The following ABCA3 variants were observed in gnomAD, a reference collection of about 807,000 sequenced individuals.
ABCA3 encodes the protein ATP binding cassette subfamily A member 3, also known as phospholipid-transporting ATPase ABCA3.
A neutral mutation model predicts 172.8 loss-of-function variants in ABCA3; 88 were observed. That is an observed-to-expected ratio of 0.51 (90% CI 0.43 to 0.61). ABCA3 has a LOEUF of 0.61. Among genes scored for constraint, ABCA3 ranks in the 20% least tolerant of loss-of-function variants. ABCA3 has a pLI of 0.00. For synonymous variants in ABCA3, 1,066 were observed against 983.8 expected (o/e 1.08, Z -1.56); for missense variants, 2,164 against 2,301.0 (o/e 0.94, Z 1.22).
At position 2,278,530 on chromosome 16, in the gene ABCA3, GC is replaced by G; in HGVS notation, c.4548-73del. 6.3e-7 allele frequency: 1 copy of G among 1,575,442 alleles called. No homozygotes were observed. The highest frequency in any genetic ancestry group is 1.1e-5 in the South Asian group (1 of 90,184). On this transcript the variant is annotated intron_variant, in intron 29 of 32. Coordinates refer to ENST00000301732, the MANE Select transcript of ABCA3 (RefSeq NM_001089.3). This position sits in a 1 kb window ranked among gnomAD's most constrained non-coding sequence, Gnocchi z 4.4. ...CATTGGCTCCCATGTCCCAGTGGAG[GC>G]CCGTGTCCCAGCAGCGGCCCACACC...
At chr16:2,314,778 G>A (rs1318922450) in intron 10 of ABCA3, among the ~76,000 whole-genome samples, 2 of 150,562 alleles carry the variant, frequency 1.3e-5, no homozygotes, top group Non-Finnish European at 2.9e-5. Context: ...GTTTCTCCAT[G>A]TTAGTCAGGC....
At chr16:2,320,224 G>A (rs1328269871) in intron 7 of ABCA3, among the ~76,000 whole-genome samples, 17 of 151,360 alleles carry the variant, frequency 1.1e-4, no homozygotes, top group South Asian at 2.1e-4. Flanking sequence ...TCAGCCTCCC[G>A]AGTAGCTGGG....
chr16:2,316,919 A>C (rs1248115031), intron 10 of ABCA3, among the ~76,000 whole-genome samples: 1 of 152,164 alleles, frequency 6.6e-6, no homozygotes. Context: ...GAAAACAAAG[A>C]AGCAAAAGAG....
At chr16:2,339,268 A>G (rs1371149725) in intron 1 of ABCA3, 1 of 152,160 alleles carries the variant, frequency 6.6e-6, no homozygotes, top group East Asian at 1.9e-4. Context: ...GAAGGCTAAC[A>G]TCTTTTTAGA....
Position 2,304,031 on chromosome 16 carries a change from A to G in ABCA3, c.1405T>C (p.Tyr469His), listed in dbSNP as rs1275951464. The G allele has an allele frequency of 6.2e-7, 1 of 1,614,178 alleles. No individual in the cohort carries two copies. The highest frequency in any genetic ancestry group is 8.5e-7 in the Non-Finnish European group (1 of 1,180,018). ...DSVLYGLVTW[Y>H]MEAVFPGQFG... is the part of the protein sequence containing the mutation. The stretch of plus-strand genomic sequence containing the variant: ...TGCCCTGGGAAGACGGCCTCCATGT[A>G]CCAGGTCACCAGGCCATAGAGCACA... The change falls in exon 12 of 33, where the codon TAC (tyrosine) becomes CAC (histidine). Residue 469 changes from tyrosine (Y) to histidine (H), a missense_variant. Physicochemically the swap from Tyr to His is moderately conservative, Grantham distance 83 (BLOSUM62 2). Coordinates refer to ENST00000301732, the MANE Select transcript of ABCA3 (RefSeq NM_001089.3).
chr16:2,286,640 C>G lies in ABCA3; in HGVS notation c.3278+54G>C. On this transcript the variant is annotated intron_variant, in intron 22 of 32. Transcript: ENST00000301732. This position sits in a 1 kb window ranked among gnomAD's most constrained non-coding sequence, Gnocchi z 5.2. ...TATGGGCCCGTGGCAGTGCCCAGGG[C>G]AGTCAGTCCTGGGGGCTCTGGCCAG... is the stretch of plus-strand genomic sequence containing the variant. The G allele has an allele frequency of 3.1e-6, 5 of 1,608,144 alleles. No homozygotes were observed. The South Asian group carries it at 4.4e-5, about 14-fold the overall frequency.
At chr16:2,323,825 A>G (rs984332553) in intron 6 of ABCA3, 137 bp from the exon 7 acceptor site, 33 of 1,030,974 alleles carry the variant, frequency 3.2e-5, no homozygotes, top group Non-Finnish European at 4.7e-5. Flanking sequence ...TATCTCCAAC[A>G]GGCCCCGGAA....
At position 2,280,991 on chromosome 16, in the gene ABCA3, G is replaced by A. The variant is rs376588751; in HGVS notation, c.4359+36C>T. On this transcript the variant is annotated intron_variant, in intron 28 of 32. Transcript: ENST00000301732. ...CAGGGTGCCCCCTCCAGCCATGCCT[G>A]TCTCACCCCTTCAGAGCCTCCCTGG... The A allele has an allele frequency of 1.4e-3, 2,190 of 1,613,574 alleles. 4 individuals are homozygous for A. The highest frequency in any genetic ancestry group is 1.7e-3 in the Non-Finnish European group (1,968 of 1,179,890).
At chr16:2,300,172 CAGTT>C (rs1217787991) in intron 12 of ABCA3, 24 bp from the exon 13 acceptor site, 1 of 1,613,008 alleles carries the variant, frequency 6.2e-7, no homozygotes, top group Non-Finnish European at 8.5e-7. Flanking sequence ...AGACAGCTGT[CAGTT>C]TGTTTTGTTT....
chr16:2,310,386 G>C (rs546873215), intron 10 of ABCA3, among the ~76,000 whole-genome samples: 2 of 151,576 alleles, frequency 1.3e-5, no homozygotes, highest in East Asian at 3.9e-4. Context: ...CCATCCTAGC[G>C]ACAGAGTGAG....
chr16:2,334,515 A>ATT (rs35067281), intron 1 of ABCA3, among the ~76,000 whole-genome samples: 11 of 140,640 alleles, frequency 7.8e-5, no homozygotes, highest in Admixed American at 7.1e-5. Context: ...AACACCAGTA[A>ATT]TTTTTTTTTT....
intron 8 of ABCA3, 76 bp downstream of exon 8, chr16:2,319,505 A>C: frequency 6.5e-7 from 1 of 1,547,290 alleles, no homozygotes; most frequent in Non-Finnish European, 8.7e-7. Flanking sequence ...AAATACTAAA[A>C]CACCAAGCCT....
Position 2,276,728 on chromosome 16 carries a change from C to A in ABCA3, c.5061G>T (p.Gln1687His). 6.2e-7 allele frequency: 1 copy of A among 1,614,006 alleles called. No individual in the cohort carries two copies. The highest frequency in any genetic ancestry group is 1.1e-5 in the South Asian group (1 of 91,090). Reference sequence around the variant, plus strand: ...GCAGGTGGGCGAAGCTCAGGAAGACCTGTTCCAGCGAGATCTGGCTCACGG... The same window carrying A: ...GCAGGTGGGCGAAGCTCAGGAAGACATGTTCCAGCGAGATCTGGCTCACGG... Reference protein sequence around the residue: ...DYSVSQISLEQVFLSFAHLQP... With the variant: ...DYSVSQISLEHVFLSFAHLQP... Residue 1687 changes from glutamine to histidine, a missense_variant, in exon 33 of 33, where the codon CAG becomes CAT. Gln to His is a conservative substitution (Grantham distance 24). Coordinates refer to ENST00000301732, the MANE Select transcript of ABCA3 (RefSeq NM_001089.3).
intron 10 of ABCA3, 57 bp from the exon 11 acceptor site, chr16:2,308,680 G>A: frequency 6.2e-7 from 1 of 1,603,912 alleles, no homozygotes; most frequent in Middle Eastern, 2.0e-4. Flanking sequence ...AAAGGGGCTT[G>A]GGCTCCCCGA....
At chr16:2,319,362 A>G (rs1049454877) in intron 8 of ABCA3, among the ~76,000 whole-genome samples, 7 of 151,910 alleles carry the variant, frequency 4.6e-5, no homozygotes, top group South Asian at 2.1e-4. Flanking sequence ...GCAGGCACCT[A>G]TAGTCCCAAC....
At chr16:2,290,968 C>A (rs1246181480) in intron 19 of ABCA3, among the ~76,000 whole-genome samples, 1 of 152,008 alleles carries the variant, frequency 6.6e-6, no homozygotes, top group Non-Finnish European at 1.5e-5. Flanking sequence ...TTCCCAGGTT[C>A]AATTGATTCT....
intron 10 of ABCA3, among the ~76,000 whole-genome samples, chr16:2,311,588 T>C (rs1043101809): frequency 1.3e-5 from 2 of 152,038 alleles, no homozygotes; most frequent in East Asian, 1.9e-4. Flanking sequence ...AGTGGCACGA[T>C]CTTGGCTCAA....
chr16:2,317,595 G>A (rs2093718214), intron 9 of ABCA3, 53 bp downstream of exon 9: 4 of 1,603,308 alleles, frequency 2.5e-6, no homozygotes, highest in Non-Finnish European at 2.6e-6. Context: ...GGCCCTCCTG[G>A]GGTGCCCTGG....
intron 11 of ABCA3, among the ~76,000 whole-genome samples, chr16:2,306,812 G>A (rs1047846670): frequency 1.8e-4 from 27 of 151,882 alleles, no homozygotes; most frequent in Non-Finnish European, 5.9e-5. Context: ...TCAGAAGATC[G>A]AGACCATCCT....
Sources: gnomAD v4.1 joint callset for allele counts (sites outside exome capture counted in the v4.1 genomes callset) on GRCh38, gnomAD v4.1.1 for gene constraint, Gnocchi (gnomAD v3.1) non-coding constraint, MANE v1.5 for transcripts, NCBI Gene and HGNC (gene_info 2026-07-23, HGNC 2026-07-21) for gene names.